Variants in MAPK4 observed in about 807,000 individuals in gnomAD.
The protein encoded by MAPK4 is Erk3-related.
A neutral mutation model predicts 47.7 loss-of-function variants in MAPK4; 22 were observed. The observed-to-expected ratio is 0.46, with a 90% CI of 0.33 to 0.66. The LOEUF (loss-of-function observed/expected upper bound fraction) is 0.66, where lower values mean the gene tolerates loss of function less well. MAPK4 is among the 30% of genes least tolerant of loss of function. The pLI, the probability that MAPK4 is intolerant of heterozygous loss-of-function variation, is 0.02. For missense variants in MAPK4, 736 were observed against 831.7 expected (o/e 0.88, Z 1.42); for synonymous variants, 390 against 365.7 (o/e 1.07, Z -0.76).
intron 1 of MAPK4, among the ~76,000 whole-genome samples, chr18:50,574,230 G>A (rs934164612): frequency 1.3e-5 from 2 of 152,030 alleles, no homozygotes; most frequent in Non-Finnish European, 2.9e-5. Context: ...TAGCCTTACT[G>A]TGTCTAGTAC....
intron 2 of MAPK4, among the ~76,000 whole-genome samples, chr18:50,698,060 G>A (rs1186329229): frequency 6.6e-6 from 1 of 152,182 alleles, no homozygotes; most frequent in Non-Finnish European, 1.5e-5. Context: ...TCATTCTACT[G>A]AAGGAATAAA....
At chr18:50,607,130 C>T (rs1394393920) in intron 1 of MAPK4, among the ~76,000 whole-genome samples, 1 of 152,158 alleles carries the variant, frequency 6.6e-6, no homozygotes, top group Non-Finnish European at 1.5e-5. Flanking sequence ...TCTTAGTCCT[C>T]ATCATTACAG....
intron 1 of MAPK4, among the ~76,000 whole-genome samples, chr18:50,578,447 G>A (rs922070197): frequency 3.3e-5 from 5 of 152,316 alleles, no homozygotes; most frequent in Admixed American, 6.5e-5. Context: ...GCCTGTCCAG[G>A]TGATGCTGGT....
chr18:50,585,097 G>T (rs1042846952), intron 1 of MAPK4, among the ~76,000 whole-genome samples: 1 of 152,190 alleles, frequency 6.6e-6, no homozygotes, highest in African/African-American at 2.4e-5. Context: ...GGTGTTTTTA[G>T]GTTCTCAATC....
chr18:50,712,437 C>T (rs998131259), intron 2 of MAPK4, among the ~76,000 whole-genome samples: 4 of 150,710 alleles, frequency 2.7e-5, no homozygotes, highest in Admixed American at 6.6e-5. Context: ...TCAAAGAAAA[C>T]AAAAACAAAC....
At chr18:50,712,166 C>T (rs768894910) in intron 2 of MAPK4, among the ~76,000 whole-genome samples, 1 of 152,208 alleles carries the variant, frequency 6.6e-6, no homozygotes. Flanking sequence ...GTGGCTCATG[C>T]CTGTAATCCC....
At chr18:50,727,427 G>A (rs185358504) in intron 5 of MAPK4, among the ~76,000 whole-genome samples, 41 of 152,318 alleles carry the variant, frequency 2.7e-4, no homozygotes, top group Admixed American at 1.5e-3. Context: ...CCAGGGCGAC[G>A]CTGCTATTTT....
intron 2 of MAPK4, among the ~76,000 whole-genome samples, chr18:50,675,347 G>A (rs1479085953): frequency 3.0e-5 from 4 of 131,582 alleles, no homozygotes; most frequent in Non-Finnish European, 6.4e-5. Context: ...GACGGAGTTT[G>A]CTCTTGTAGC....
At chr18:50,603,460 C>T (rs2042557530) in intron 1 of MAPK4, among the ~76,000 whole-genome samples, 1 of 152,164 alleles carries the variant, frequency 6.6e-6, no homozygotes, top group Non-Finnish European at 1.5e-5. Context: ...CTCCTAAACT[C>T]TCCTATGTCT....
At chr18:50,717,590 T>C (rs1300616016) in intron 3 of MAPK4, among the ~76,000 whole-genome samples, 2 of 151,422 alleles carry the variant, frequency 1.3e-5, no homozygotes, top group Non-Finnish European at 2.9e-5. Context: ...CCACAAAATA[T>C]AAGACAGCAG....
chr18:50,710,987 A>C (rs1910331688), intron 2 of MAPK4, among the ~76,000 whole-genome samples: 1 of 152,144 alleles, frequency 6.6e-6, no homozygotes, highest in Non-Finnish European at 1.5e-5. Context: ...TTGGCTCCAG[A>C]TCAGAACTGG....
chr18:50,591,997 G>A (rs1419468140), intron 1 of MAPK4, among the ~76,000 whole-genome samples: 1 of 152,116 alleles, frequency 6.6e-6, no homozygotes, highest in African/African-American at 2.4e-5. Context: ...TTTGTACATG[G>A]TATTGACTAT....
chr18:50,679,021 G>A (rs1034701459), intron 2 of MAPK4, among the ~76,000 whole-genome samples: 1 of 152,138 alleles, frequency 6.6e-6, no homozygotes, highest in Non-Finnish European at 1.5e-5. Flanking sequence ...ATTGTGATCC[G>A]CAGGACTCAC....
intron 2 of MAPK4, chr18:50,706,203 C>T (rs1040041544): frequency 6.6e-6 from 1 of 152,156 alleles, no homozygotes; most frequent in African/African-American, 2.4e-5. Context: ...ACCTCTGCGG[C>T]TACTCAAGGA....
intron 2 of MAPK4, among the ~76,000 whole-genome samples, chr18:50,707,570 A>C (rs1910128332): frequency 4.1e-5 from 2 of 48,918 alleles, no homozygotes; most frequent in South Asian, 1.1e-3. Context: ...CCTCTGTCTC[A>C]AAAAAAAAAA....
intron 1 of MAPK4, among the ~76,000 whole-genome samples, chr18:50,567,255 A>G (rs998310849): frequency 4.6e-5 from 7 of 152,090 alleles, no homozygotes; most frequent in Non-Finnish European, 8.8e-5. Flanking sequence ...CCACTCCCTG[A>G]CAGGCCCTGG....
chr18:50,624,702 T>G (rs1007262431), intron 1 of MAPK4, among the ~76,000 whole-genome samples: 1 of 152,244 alleles, frequency 6.6e-6, no homozygotes, highest in African/African-American at 2.4e-5. Flanking sequence ...AGTTTGTTTT[T>G]TAATAATACC....
At chr18:50,612,789 T>C (rs1389578091) in intron 1 of MAPK4, among the ~76,000 whole-genome samples, 1 of 152,172 alleles carries the variant, frequency 6.6e-6, no homozygotes, top group Non-Finnish European at 1.5e-5. Context: ...GCATGAGTAG[T>C]ACACCTAGAA....
chr18:50,679,048 G>A (rs1908434006), intron 2 of MAPK4, among the ~76,000 whole-genome samples: 1 of 152,194 alleles, frequency 6.6e-6, no homozygotes, highest in South Asian at 2.1e-4. Context: ...TCTTCTTGGG[G>A]TCAAATTTTC....
Sources: gnomAD v4.1 joint callset for allele counts (sites outside exome capture counted in the v4.1 genomes callset) on GRCh38, gnomAD v4.1.1 for gene constraint, MANE v1.5 for transcripts, NCBI Gene and HGNC (gene_info 2026-07-23, HGNC 2026-07-21) for gene names.